The following DNAH9 variants were observed in gnomAD, a reference collection of about 807,000 sequenced individuals.
The protein encoded by DNAH9 is DNAH9 variant protein.
Under a neutral mutation model 471.6 loss-of-function variants are expected in DNAH9, and 345 were observed. The observed-to-expected ratio is 0.73, with a 90% confidence interval of 0.67 to 0.80. The LOEUF is 0.80. Ranked by LOEUF, DNAH9 falls within the 30% of genes least tolerant of loss-of-function variation. DNAH9 has a pLI of 0.00. For missense variants in DNAH9, 5,407 were observed against 5,609.2 expected, an observed-to-expected ratio of 0.96 and a Z score of 1.15; for synonymous variants, 2,093 against 2,123.6, an observed-to-expected ratio of 0.99 and a Z score of 0.40.
At chr17:11,745,165 C>A in intron 31 of DNAH9, 81 bp downstream of exon 31, 3 of 1,230,208 alleles carry the variant, frequency 2.4e-6, no homozygotes, top group Non-Finnish European at 3.5e-6. Flanking sequence ...ATCCATAATC[C>A]AAAGGGTTGT....
At chr17:11,834,550 G>A in intron 48 of DNAH9, 88 bp from the exon 49 acceptor site, 1 of 1,523,966 alleles carries the variant, frequency 6.6e-7, no homozygotes, top group Non-Finnish European at 8.9e-7. Context: ...TGGGTCCTCA[G>A]GTCATGCCCA....
chr17:11,647,384 T>TAC (rs1436671072), intron 12 of DNAH9, among the ~76,000 whole-genome samples, 186 bp downstream of exon 12: 2 of 152,204 alleles, frequency 1.3e-5, no homozygotes, highest in Non-Finnish European at 2.9e-5. Context: ...GTGATTCTCC[T>TAC]ACCTCAGCCT....
intron 38 of DNAH9, among the ~76,000 whole-genome samples, chr17:11,775,869 G>A (rs373106738): frequency 1.3e-5 from 2 of 152,124 alleles, no homozygotes; most frequent in East Asian, 3.9e-4. Flanking sequence ...TGGGATTATA[G>A]GCGTGAGCCA....
chr17:11,714,483 A>T (rs1323550597), intron 26 of DNAH9, among the ~76,000 whole-genome samples: 3 of 151,964 alleles, frequency 2.0e-5, no homozygotes, highest in African/African-American at 7.3e-5. Flanking sequence ...ATTCATGGTC[A>T]CTCCTCAGTT....
chr17:11,644,817 G>A, intron 11 of DNAH9, 118 bp downstream of exon 11: 1 of 709,798 alleles, frequency 1.4e-6, no homozygotes, highest in Non-Finnish European at 2.4e-6. Flanking sequence ...TATGTTTTAT[G>A]TTATAACCAC....
chr17:11,694,294 G>T, intron 21 of DNAH9, 27 bp from the exon 22 acceptor site: 1 of 1,613,042 alleles, frequency 6.2e-7, no homozygotes, highest in East Asian at 2.2e-5. Flanking sequence ...ATTCTTAACT[G>T]GGAAATTCTA....
chr17:11,673,601 GTTT>G (rs59481227), intron 17 of DNAH9, among the ~76,000 whole-genome samples: 11 of 131,014 alleles, frequency 8.4e-5, no homozygotes, highest in African/African-American at 8.3e-5. Context: ...GTTTATATTT[GTTT>G]TTTTTTTTTT....
intron 45 of DNAH9, among the ~76,000 whole-genome samples, chr17:11,818,212 CA>C (rs1970170264): frequency 6.6e-6 from 1 of 152,166 alleles, no homozygotes; most frequent in African/African-American, 2.4e-5. Context: ...AGGCGGATCA[CA>C]AGGTCAGGAG....
Position 11,699,751 on chromosome 17 carries a change from A to C in DNAH9, c.4893A>C (p.Lys1631Asn). The C allele has an allele frequency of 6.2e-7, 1 of 1,613,794 alleles. No individual in the cohort carries two copies. Among genetic ancestry groups the C allele is most frequent in the East Asian group, 2.2e-5 (1 of 44,886 alleles). Residue 1631 changes from lysine (K) to asparagine (N), a missense_variant, in exon 23 of 69, where the codon AAA (lysine) becomes AAC (asparagine). Around this residue, in one of 3 missense-constraint regions of DNAH9, gnomAD observed 4,636 missense variants for 4,900.3 expected, o/e 0.95. Transcript: ENST00000262442. Reference sequence around the variant, plus strand: ...CATAGGTTCAACGTCACCTTTCCAAACTCTTTGACAACATGGCCAAGATGC... The same window carrying C: ...CATAGGTTCAACGTCACCTTTCCAACCTCTTTGACAACATGGCCAAGATGC... ...APQQVQRHLS[K>N]LFDNMAKMRF...
rs1393103500 is a variant in DNAH9, at chr17:11,781,235, G to T, written c.7718+61G>T. 26 of 1,543,612 alleles carry T rather than the reference G, an allele frequency of 1.7e-5. No homozygotes were observed. In the Admixed American group the frequency reaches 1.8e-4, roughly 10 times the overall value. ...AGCAGAGCCTAAGGCAGGGCTGAAG[G>T]CCAGTCTCTATTCTGCCTGAACGGC... On this transcript the variant is annotated intron_variant, in intron 39 of 68. Transcript: ENST00000262442.
At chr17:11,776,747 C>T (rs1489863502) in intron 38 of DNAH9, among the ~76,000 whole-genome samples, 3 of 152,034 alleles carry the variant, frequency 2.0e-5, no homozygotes, top group Non-Finnish European at 4.4e-5. Flanking sequence ...ATATGGATAT[C>T]TTCTTCTGTG....
intron 35 of DNAH9, among the ~76,000 whole-genome samples, chr17:11,759,522 T>TTTC (rs971329388): frequency 2.2e-5 from 3 of 135,652 alleles, no homozygotes; most frequent in African/African-American, 8.2e-5. Flanking sequence ...CACCACTTTT[T>TTTC]TTTTTTTTTT....
At chr17:11,728,192 C>T (rs1027437875) in intron 28 of DNAH9, among the ~76,000 whole-genome samples, 2 of 152,132 alleles carry the variant, frequency 1.3e-5, no homozygotes, top group Non-Finnish European at 2.9e-5. Context: ...ATCTGTCCTG[C>T]CTGCTTCATC....
rs1490528559 is a variant in DNAH9 at position 11,598,685 on chromosome 17, G to A, written c.187G>A (p.Asp63Asn). Residue 63 changes from aspartate (D) to asparagine (N), a missense_variant, in exon 1 of 69, where the codon GAT becomes AAT. Asp to Asn is a conservative substitution (Grantham distance 23, BLOSUM62 1). Coordinates refer to ENST00000262442, the MANE Select transcript of DNAH9 (RefSeq NM_001372.4). ...EQLLQAFLGR[D>N]AAEGPRPLLV... Reference sequence around the variant, plus strand: ...GCTGCTCCAGGCCTTCCTGGGCCGCGATGCTGCCGAGGGGCCGCGGCCGCT... The same window carrying A: ...GCTGCTCCAGGCCTTCCTGGGCCGCAATGCTGCCGAGGGGCCGCGGCCGCT... 1 of 1,366,030 alleles carries A rather than the reference G, an allele frequency of 7.3e-7. No individual in the cohort carries two copies. Among genetic ancestry groups the A allele is most frequent in the Non-Finnish European group, 9.4e-7 (1 of 1,065,828 alleles). The allele number at this position is 1,366,030 out of a possible 1,614,324, so 84.6% of individuals were successfully genotyped here. A position where few individuals can be genotyped will look rare whatever the true frequency, so the allele number is the denominator to read the frequency against.
chr17:11,822,544 A>T lies in DNAH9; in HGVS notation c.8957A>T (p.Gln2986Leu). Residue 2986 changes from glutamine (Q) to leucine (L), a missense_variant, in exon 47 of 69, where the codon CAG becomes CTG. Coordinates refer to ENST00000262442, the MANE Select transcript of DNAH9 (RefSeq NM_001372.4). ...TAIHWFHEWP[Q>L]QALESVSLRF... ...ATCCACTGGTTCCACGAGTGGCCTC[A>T]GCAAGCATTGGAGTCTGTCAGCCTC... 1 of 1,614,194 alleles carries T rather than the reference A, an allele frequency of 6.2e-7. No homozygotes were observed. Among genetic ancestry groups the T allele is most frequent in the Non-Finnish European group, 8.5e-7 (1 of 1,180,040 alleles).
At chr17:11,749,074 G>GTTTTTTTTTTGTT (rs1567772305) in intron 32 of DNAH9, among the ~76,000 whole-genome samples, 3 of 49,108 alleles carry the variant, frequency 6.1e-5, no homozygotes, top group Non-Finnish European at 8.5e-5. Context: ...GTTTTTTTTT[G>GTTTTTTTTTTGTT]TTTTTTTTTT....
rs748681563 is a variant in DNAH9 at position 11,652,758 on chromosome 17, C to T, written c.2354-3C>T. 1.9e-6 allele frequency: 3 copies of T among 1,612,036 alleles called. No individual in the cohort carries two copies. Among genetic ancestry groups the T allele is most frequent in the Non-Finnish European group, 1.7e-6 (2 of 1,179,122 alleles). On this transcript the variant is annotated splice_polypyrimidine_tract_variant and splice_region_variant and intron_variant, in intron 13 of 68. Transcript: ENST00000262442. ...AATTAATTATGTTTCTTTTGGGGAA[C>T]AGGCATTTGCGATTATGTCACTGAA...
At chr17:11,857,514 C>T (rs1417168732) in intron 50 of DNAH9, among the ~76,000 whole-genome samples, 1 of 152,156 alleles carries the variant, frequency 6.6e-6, no homozygotes, top group Non-Finnish European at 1.5e-5. Flanking sequence ...CTCACATACA[C>T]ACACCCAAGT....
chr17:11,787,101 CA>C (rs1359087609), intron 41 of DNAH9, among the ~76,000 whole-genome samples: 1 of 152,188 alleles, frequency 6.6e-6, no homozygotes, highest in Non-Finnish European at 1.5e-5. Context: ...GATCAAAGAA[CA>C]ATTCACGAAT....
Sources: gnomAD v4.1 joint callset for allele counts (sites outside exome capture counted in the v4.1 genomes callset) on GRCh38, gnomAD v4.1.1 for gene constraint, gnomAD v4.1.1 regional missense constraint, MANE v1.5 for transcripts, NCBI Gene and HGNC (gene_info 2026-07-23, HGNC 2026-07-21) for gene names.